Variants in FRS2 observed in about 807,000 individuals in gnomAD.
FRS2 encodes fibroblast growth factor receptor substrate 2.
In FRS2, 8 loss-of-function variants were observed where a neutral mutation model predicts 43.9. That is an observed-to-expected ratio of 0.18 (90% CI 0.11 to 0.33). The LOEUF (loss-of-function observed/expected upper bound fraction) is 0.33, where lower values mean the gene tolerates loss of function less well. Ranked by LOEUF, FRS2 falls within the 10% of genes least tolerant of loss-of-function variation. The probability of loss-of-function intolerance (pLI) is 1.00; values close to 1 mark genes in which losing one functional copy is unlikely to be tolerated. For synonymous variants in FRS2, 219 were observed against 220.3 expected (o/e 0.99, Z 0.05); for missense variants, 534 against 627.6 (o/e 0.85, Z 1.59).
At position 69,557,626 on chromosome 12, in the gene FRS2, G is replaced by A. The variant is rs985716778; in HGVS notation, c.-121-4554G>A. 5.6e-5 allele frequency among the ~76,000 whole-genome samples: 8 copies of A among 142,348 alleles called. No individual in the cohort carries two copies. In the South Asian group the frequency reaches 7.2e-4, roughly 13 times the overall value. The allele number at this position is 142,348 out of a possible 152,430, so 93.4% of individuals were successfully genotyped here. On this transcript the variant is annotated intron_variant, in intron 3 of 8. Transcript: ENST00000549921. ...TGTGTGTGTGTGTGTGTGTGCGCGCGCGCGCGCGCGCAGGTGCATGCACGC... is the reference window on the plus strand; with the variant it reads ...TGTGTGTGTGTGTGTGTGTGCGCGCACGCGCGCGCGCAGGTGCATGCACGC...
chr12:69,561,434 C>T (rs1209820522), intron 3 of FRS2, among the ~76,000 whole-genome samples: 1 of 152,126 alleles, frequency 6.6e-6, no homozygotes, highest in Admixed American at 6.5e-5. Flanking sequence ...AGACTATTCC[C>T]ATAACCCCTA....
rs147935182 is a variant in FRS2 at position 69,500,837 on chromosome 12, A to T, written c.-260-30028A>T. On this transcript the variant is annotated intron_variant, in intron 1 of 8. Coordinates refer to ENST00000549921, the MANE Select transcript of FRS2 (RefSeq NM_001278356.2). ...AGGTATGAACCAACACTGGTCACAG[A>T]TGTGAAGTTCTTTTTACTTTTGGTG... Among the ~76,000 whole-genome samples, 161 of 152,278 alleles carry T rather than the reference A, an allele frequency of 1.1e-3. 1 individual carries two copies. The East Asian group carries it at 0.011, about 10-fold the overall frequency.
rs1260516435 is a variant in FRS2, at chr12:69,574,294, G to T, written c.866G>T (p.Gly289Val). ...GCAAATAACACAGAATGGGACACTG[G>T]CTATGACAGTGATGAACGAAGAGAT... is the stretch of plus-strand genomic sequence containing the variant. ...SGANNTEWDT[G>V]YDSDERRDAP... The change falls in exon 9 of 9, where the codon GGC becomes GTC. Residue 289 changes from glycine (G) to valine (V), a missense_variant. Coordinates refer to ENST00000549921, the MANE Select transcript of FRS2 (RefSeq NM_001278356.2). The T allele has an allele frequency of 6.2e-7, 1 of 1,614,054 alleles. No homozygotes were observed. Among genetic ancestry groups the T allele is most frequent in the Admixed American group, 1.7e-5 (1 of 60,032 alleles).
chr12:69,574,527 G>T lies in FRS2; in HGVS notation c.1099G>T (p.Asp367Tyr). Residue 367 changes from aspartate (D) to tyrosine (Y), a missense_variant, in exon 9 of 9, where the codon GAT (aspartate) becomes TAT (tyrosine). Physicochemically the swap from Asp to Tyr is radical, Grantham distance 160. Transcript: ENST00000549921. Reference sequence around the variant, plus strand: ...TTGGGAAGCCCGCAAGCTAAGTAGGGATGAAGATGACAATTTAGGACCAAA... The same window carrying T: ...TTGGGAAGCCCGCAAGCTAAGTAGGTATGAAGATGACAATTTAGGACCAAA... ...PVWEARKLSRDEDDNLGPKTP... is the reference protein window; with the variant it reads ...PVWEARKLSRYEDDNLGPKTP... The T allele has an allele frequency of 6.2e-7, 1 of 1,614,070 alleles. No homozygotes were observed.
At chr12:69,476,968 A>G (rs952090350) in intron 1 of FRS2, among the ~76,000 whole-genome samples, 30 of 152,162 alleles carry the variant, frequency 2.0e-4, no homozygotes, top group African/African-American at 6.5e-4. Context: ...TTTAAAGAAA[A>G]CTGTGGGTTT....
At chr12:69,509,592 C>A (rs534317308) in intron 1 of FRS2, among the ~76,000 whole-genome samples, 4 of 152,240 alleles carry the variant, frequency 2.6e-5, no homozygotes, top group African/African-American at 9.6e-5. Flanking sequence ...AGCAGTAACT[C>A]CCCATTTCCC....
chr12:69,532,564 C>T lies in FRS2; in HGVS notation c.-122+508C>T, dbSNP rs1328501723. 2.6e-5 allele frequency among the ~76,000 whole-genome samples: 4 copies of T among 152,140 alleles called. No homozygotes were observed. The East Asian group carries it at 5.8e-4, about 22-fold the overall frequency. On this transcript the variant is annotated intron_variant, in intron 3 of 8. Transcript: ENST00000549921. Reference sequence around the variant, plus strand: ...TGCTGAGCAAAGCTTCTTTTATAAACGCCTTAATTAGGTCATGAGGAAGGA... The same window carrying T: ...TGCTGAGCAAAGCTTCTTTTATAAATGCCTTAATTAGGTCATGAGGAAGGA...
At chr12:69,539,591 A>T (rs1232456784) in intron 3 of FRS2, among the ~76,000 whole-genome samples, 1 of 152,044 alleles carries the variant, frequency 6.6e-6, no homozygotes, top group Non-Finnish European at 1.5e-5. Context: ...GGTGCTCAAA[A>T]ATTCTCAGAA....
At chr12:69,568,032 TA>T (rs1226046265) in intron 4 of FRS2, among the ~76,000 whole-genome samples, 6 of 152,246 alleles carry the variant, frequency 3.9e-5, no homozygotes, top group African/African-American at 7.2e-5. Context: ...TCCTTTTTCA[TA>T]TATTGTCATA....
chr12:69,568,724 G>GT (rs3835002), intron 4 of FRS2, among the ~76,000 whole-genome samples: 49 of 150,670 alleles, frequency 3.3e-4, no homozygotes, highest in East Asian at 3.1e-3. Context: ...CCTTAAGTTG[G>GT]TTTTTTTTTT....
At chr12:69,522,933 TGTG>T (rs1875835811) in intron 1 of FRS2, among the ~76,000 whole-genome samples, 1 of 152,238 alleles carries the variant, frequency 6.6e-6, no homozygotes, top group South Asian at 2.1e-4. Context: ...TTTCTTATGT[TGTG>T]GTGCAGAAAG....
intron 3 of FRS2, among the ~76,000 whole-genome samples, chr12:69,558,346 G>C (rs1879607834): frequency 6.6e-6 from 1 of 152,202 alleles, no homozygotes; most frequent in South Asian, 2.1e-4. Flanking sequence ...GCCTCCATGG[G>C]AAAGTATTCT....
At chr12:69,565,659 G>A (rs922490069) in intron 4 of FRS2, among the ~76,000 whole-genome samples, 1 of 151,972 alleles carries the variant, frequency 6.6e-6, no homozygotes. Flanking sequence ...ATTAGCATGG[G>A]CCTATACAGG....
At chr12:69,569,206 CCTTT>C (rs753441533) in intron 5 of FRS2, 110 bp downstream of exon 5, 46 of 587,450 alleles carry the variant, frequency 7.8e-5, no homozygotes, top group East Asian at 5.5e-4. Flanking sequence ...TTTCTATTTC[CCTTT>C]CTTTCCACCC....
intron 1 of FRS2, among the ~76,000 whole-genome samples, chr12:69,491,086 A>G (rs1290729875): frequency 2.0e-5 from 3 of 152,072 alleles, no homozygotes; most frequent in Non-Finnish European, 4.4e-5. Flanking sequence ...TTCTTCCTAC[A>G]TTTATAACCA....
chr12:69,545,568 C>A (rs923833323), intron 3 of FRS2, among the ~76,000 whole-genome samples: 3 of 151,822 alleles, frequency 2.0e-5, no homozygotes, highest in African/African-American at 7.3e-5. Flanking sequence ...CCAGCCTGGC[C>A]AACATGTTGA....
chr12:69,508,024 C>CAAAAA (rs11365179), intron 1 of FRS2, among the ~76,000 whole-genome samples: 7 of 47,576 alleles, frequency 1.5e-4, no homozygotes, highest in Non-Finnish European at 1.5e-4. Context: ...AACCCCGTCT[C>CAAAAA]AAAAAAAAAA....
intron 1 of FRS2, among the ~76,000 whole-genome samples, chr12:69,494,436 C>T (rs1872712295): frequency 6.6e-6 from 1 of 152,168 alleles, no homozygotes; most frequent in Non-Finnish European, 1.5e-5. Context: ...GAAACTCTCT[C>T]AGAGAGGTTA....
chr12:69,523,212 C>CT (rs1875865886), intron 1 of FRS2, among the ~76,000 whole-genome samples: 1 of 152,198 alleles, frequency 6.6e-6, no homozygotes, highest in African/African-American at 2.4e-5. Context: ...GCATGGGAGT[C>CT]TAAGTCTCTT....
Sources: gnomAD v4.1 joint callset for allele counts (sites outside exome capture counted in the v4.1 genomes callset) on GRCh38, gnomAD v4.1.1 for gene constraint, MANE v1.5 for transcripts, NCBI Gene and HGNC (gene_info 2026-07-23, HGNC 2026-07-21) for gene names.